GRXCR2: variants seen among roughly 807,000 people sequenced by gnomAD.
GRXCR2 encodes glutaredoxin domain-containing cysteine-rich protein 2.
In GRXCR2, 23 loss-of-function variants were observed where a neutral mutation model predicts 24.8. The observed-to-expected ratio is 0.93, with a 90% CI of 0.67 to 1.32. The LOEUF is 1.32. Among genes scored for constraint, GRXCR2 ranks in the 40% most tolerant of loss-of-function variants. The pLI is 0.00. For missense variants in GRXCR2, 315 were observed against 303.4 expected (o/e 1.04, Z -0.28); for synonymous variants, 130 against 116.1 (o/e 1.12, Z -0.77).
rs13170317 is a variant in GRXCR2, at chr5:145,878,666, G to T, written c.-69-11938C>A. ...GAACTTCCCCAACCTAGCAAGGCAG[G>T]CCAACATTCAAATTCAGGAAATACA... On this transcript the variant is annotated intron_variant, in intron 2 of 3. Coordinates refer to the GRXCR2 transcript ENST00000639411. Among the ~76,000 whole-genome samples the T allele has an allele frequency of 5.2e-3, 796 of 152,262 alleles. 2 individuals carry two copies. Among genetic ancestry groups the T allele is most frequent in the South Asian group, 9.5e-3 (46 of 4,826 alleles).
At chr5:145,888,489 G>A (rs932456455) in intron 2 of GRXCR2, among the ~76,000 whole-genome samples, 96 of 152,218 alleles carry the variant, frequency 6.3e-4, no homozygotes, top group African/African-American at 2.3e-3. Flanking sequence ...AACAACCTGT[G>A]CAGGTTACTT....
upstream of GRXCR2, among the ~76,000 whole-genome samples, chr5:145,874,214 T>A (rs542356069): frequency 1.2e-3 from 184 of 150,268 alleles, no homozygotes; most frequent in South Asian, 3.3e-3. Flanking sequence ...ATTTTATTTT[T>A]TTTTTTTTGA....
At chr5:145,884,843 T>G (rs893753771) in intron 2 of GRXCR2, among the ~76,000 whole-genome samples, 6 of 152,166 alleles carry the variant, frequency 3.9e-5, no homozygotes, top group African/African-American at 1.4e-4. Flanking sequence ...TCCTGAATCT[T>G]TTTAGGAGTA....
chr5:145,873,355 A>G (rs1756564660), upstream of GRXCR2, among the ~76,000 whole-genome samples: 1 of 152,248 alleles, frequency 6.6e-6, no homozygotes, highest in Admixed American at 6.5e-5. Flanking sequence ...GTTAGCAATG[A>G]CAATTAAAAT....
chr5:145,917,959 T>C (rs1175389943), intron 2 of GRXCR2, among the ~76,000 whole-genome samples: 1 of 152,148 alleles, frequency 6.6e-6, no homozygotes, highest in Non-Finnish European at 1.5e-5. Context: ...TTTGTATTTC[T>C]AGTAGAGACG....
chr5:145,924,578 G>A (rs1030141226), intron 2 of GRXCR2, among the ~76,000 whole-genome samples: 1 of 152,142 alleles, frequency 6.6e-6, no homozygotes, highest in Non-Finnish European at 1.5e-5. Context: ...TTGCAATAAA[G>A]TATTGACGTT....
downstream of GRXCR2, among the ~76,000 whole-genome samples, chr5:145,858,261 CAA>C (rs1756271149): frequency 6.9e-6 from 1 of 144,454 alleles, no homozygotes; most frequent in African/African-American, 2.6e-5. Context: ...TTGCAATGAA[CAA>C]AGATTGCACC....
chr5:145,884,333 T>C (rs746127426), intron 2 of GRXCR2, among the ~76,000 whole-genome samples: 1 of 152,070 alleles, frequency 6.6e-6, no homozygotes, highest in Non-Finnish European at 1.5e-5. Context: ...GCATTCTAGA[T>C]TTAAAGAGAA....
intron 2 of GRXCR2, among the ~76,000 whole-genome samples, chr5:145,918,999 T>C (rs1042145982): frequency 3.3e-5 from 5 of 152,160 alleles, no homozygotes; most frequent in African/African-American, 1.2e-4. Flanking sequence ...CTACTAAGTT[T>C]CCCGCATCAC....
rs1018291127 is a variant in GRXCR2, at chr5:145,913,686, T to A, written c.-70+22015A>T. On this transcript the variant is annotated intron_variant, in intron 2 of 3. Transcript: ENST00000639411. ...GACAAAGATCTTTTCATTTAATTTT[T>A]AAAAATTTTTTAAATAAATAGAGAC... Among the ~76,000 whole-genome samples, 19 of 152,224 alleles carry A rather than the reference T, an allele frequency of 1.2e-4. No individual in the cohort carries two copies. In the East Asian group the frequency reaches 1.9e-3, roughly 15 times the overall value.
rs372298213 is a variant in GRXCR2, at chr5:145,884,299, G to A, written c.-69-17571C>T. On this transcript the variant is annotated intron_variant, in intron 2 of 3. Coordinates refer to the GRXCR2 transcript ENST00000639411. Reference sequence around the variant, plus strand: ...CTCATCAAAAAGTCAATATATCAACGAAAAAATGTTGCAGATAGAAGAAGC... The same window carrying A: ...CTCATCAAAAAGTCAATATATCAACAAAAAAATGTTGCAGATAGAAGAAGC... Among the ~76,000 whole-genome samples, 87 of 151,956 alleles carry A rather than the reference G, an allele frequency of 5.7e-4. 3 individuals carry two copies. The South Asian group carries it at 0.017, about 30-fold the overall frequency.
At position 145,859,692 on chromosome 5, in the gene GRXCR2, T is replaced by C. The variant is rs1245845979; in HGVS notation, c.*41A>G. On this transcript the variant is annotated 3_prime_UTR_variant, in exon 3 of 3. Coordinates refer to ENST00000377976, the MANE Select transcript of GRXCR2 (RefSeq NM_001080516.2). ...GGGGGCGGTTTATTAGAAATAACTT[T>C]AGGGAGGGTAAGATAACAGTGGACA... The C allele has an allele frequency of 1.3e-6, 2 of 1,597,986 alleles. No homozygotes were observed. Among genetic ancestry groups the C allele is most frequent in the Admixed American group, 1.7e-5 (1 of 59,840 alleles).
intron 2 of GRXCR2, among the ~76,000 whole-genome samples, chr5:145,895,569 C>T (rs1319715757): frequency 3.9e-5 from 6 of 152,010 alleles, no homozygotes; most frequent in African/African-American, 7.2e-5. Flanking sequence ...GAATCCAACT[C>T]ACAAGGGATG....
upstream of GRXCR2, among the ~76,000 whole-genome samples, chr5:145,877,506 T>C (rs997122357): frequency 6.6e-6 from 1 of 152,204 alleles, no homozygotes; most frequent in African/African-American, 2.4e-5. Context: ...AACAGATTTA[T>C]GATACAAATT....
intron 2 of GRXCR2, among the ~76,000 whole-genome samples, chr5:145,929,600 C>G (rs1286843749): frequency 2.6e-5 from 4 of 152,014 alleles, no homozygotes; most frequent in Admixed American, 2.6e-4. Context: ...ACAGTTTTAC[C>G]AATTACTTGG....
intron 2 of GRXCR2, among the ~76,000 whole-genome samples, chr5:145,906,389 T>A (rs566925595): frequency 9.9e-5 from 15 of 151,966 alleles, no homozygotes; most frequent in Non-Finnish European, 1.9e-4. Context: ...TCACTGGCAT[T>A]GCTTATCCGA....
chr5:145,928,397 T>C (rs1448910447), intron 2 of GRXCR2, among the ~76,000 whole-genome samples: 1 of 152,136 alleles, frequency 6.6e-6, no homozygotes, highest in Non-Finnish European at 1.5e-5. Flanking sequence ...GCAATCCCAT[T>C]ACTGGGTATA....
At chr5:145,872,607 G>C in intron 1 of GRXCR2, 26 bp downstream of exon 1, 1 of 1,541,856 alleles carries the variant, frequency 6.5e-7, no homozygotes, top group Non-Finnish European at 8.7e-7. Context: ...TACCCTTAAA[G>C]CCTATATGCC....
chr5:145,906,709 G>T (rs1036596146), intron 2 of GRXCR2, among the ~76,000 whole-genome samples: 4 of 152,150 alleles, frequency 2.6e-5, no homozygotes, highest in Admixed American at 1.3e-4. Flanking sequence ...ATATGTTTCA[G>T]TGTCTGCCAG....
Sources: gnomAD v4.1 joint callset for allele counts (sites outside exome capture counted in the v4.1 genomes callset) on GRCh38, gnomAD v4.1.1 for gene constraint, MANE v1.5 for transcripts, NCBI Gene and HGNC (gene_info 2026-07-23, HGNC 2026-07-21) for gene names.